Variants in SIAE observed in about 807,000 individuals in gnomAD.
SIAE encodes the protein sialate O-acetylesterase.
In SIAE, 39 loss-of-function variants were observed where a neutral mutation model predicts 52.6. The observed-to-expected ratio is 0.74, with a 90% CI of 0.57 to 0.97. The LOEUF is 0.97. Ranked by LOEUF, SIAE falls within the 50% of genes least tolerant of loss-of-function variation. The pLI, the probability that SIAE is intolerant of heterozygous loss-of-function variation, is 0.00. For missense variants in SIAE, 592 were observed against 662.1 expected (o/e 0.89, Z 1.16); for synonymous variants, 233 against 241.4 (o/e 0.97, Z 0.32).
In SIAE at chr11:124,638,545, A is replaced by G. The variant is rs778411682; in HGVS notation, c.1317T>C (p.Phe439=). ...TTTATTCTGCTGTTCTTCTCACCTCAAATATCTTGTTGTCCTTTTTCTGCA... is the reference window on the plus strand; with the variant it reads ...TTTATTCTGCTGTTCTTCTCACCTCGAATATCTTGTTGTCCTTTTTCTGCA... The part of the protein sequence containing the change: ...IQVQKKDNKI[F]EISCCSDHRC... The change falls in exon 9 of 10, where the codon TTT becomes TTC. Residue 439 remains phenylalanine (F), a synonymous_variant. Transcript: ENST00000263593. The G allele has an allele frequency of 1.9e-6, 3 of 1,614,158 alleles. No individual in the cohort carries two copies. Among genetic ancestry groups the G allele is most frequent in the Admixed American group, 3.3e-5 (2 of 60,020 alleles).
rs746200477 is a variant in SIAE at position 124,636,912 on chromosome 11, A to C, written c.*39T>G. On this transcript the variant is annotated 3_prime_UTR_variant, in exon 10 of 10. Coordinates refer to ENST00000263593, the MANE Select transcript of SIAE (RefSeq NM_170601.5). ...ACTCCTAAATGCTAAAATCTGAAGG[A>C]CCCATCCTTATATCTAAGTTCTGAT... 128 of 1,613,762 alleles carry C rather than the reference A, an allele frequency of 7.9e-5. No individual in the cohort carries two copies. In the East Asian group the frequency reaches 2.7e-3, roughly 34 times the overall value.
intron 5 of SIAE, 139 bp downstream of exon 5, chr11:124,649,480 C>T: frequency 2.1e-6 from 2 of 967,420 alleles, no homozygotes; most frequent in Admixed American, 3.6e-5. Flanking sequence ...AATGCTTTCC[C>T]TCTACATGAA....
chr11:124,666,043 G>A (rs1037716133), intron 2 of SIAE, among the ~76,000 whole-genome samples: 102 of 152,018 alleles, frequency 6.7e-4, no homozygotes, highest in Admixed American at 6.6e-3. Flanking sequence ...TTCCCTGCTC[G>A]TATTCCTTGT....
chr11:124,642,398 A>C (rs1942863110), intron 7 of SIAE, among the ~76,000 whole-genome samples: 1 of 152,260 alleles, frequency 6.6e-6, no homozygotes, highest in Non-Finnish European at 1.5e-5. Flanking sequence ...TGAACAAAAC[A>C]CAAGAATCCC....
Position 124,648,127 on chromosome 11 carries a change from G to C in SIAE, c.771C>G (p.Leu257=). ...SVTGPSKHSV[L]WNAMIHPLCN... ...ACAGTGGATGGATCATGGCATTCCA[G>C]AGAACAGAGTGCTTACTGGGACCAG... Residue 257 remains leucine (L), a synonymous_variant, in exon 6 of 10, where the codon CTC becomes CTG. Coordinates refer to ENST00000263593, the MANE Select transcript of SIAE (RefSeq NM_170601.5). The C allele has an allele frequency of 6.2e-7, 1 of 1,614,084 alleles. No homozygotes were observed. The highest frequency in any genetic ancestry group is 8.5e-7 in the Non-Finnish European group (1 of 1,179,996).
At chr11:124,661,218 G>A (rs1198850347) in intron 2 of SIAE, among the ~76,000 whole-genome samples, 2 of 152,010 alleles carry the variant, frequency 1.3e-5, no homozygotes, top group Non-Finnish European at 2.9e-5. Flanking sequence ...GTGACCACAG[G>A]GTATAGAAAA....
intron 3 of SIAE, chr11:124,660,386 A>G (rs762399641): frequency 1.1e-5 from 6 of 542,148 alleles, no homozygotes; most frequent in Admixed American, 5.4e-5. Flanking sequence ...ACTCCTTCTA[A>G]GTTCTTAACC....
chr11:124,675,576 T>C (rs1943451920), upstream of SIAE: 1 of 667,532 alleles, frequency 1.5e-6, no homozygotes, highest in Non-Finnish European at 2.4e-6. Context: ...TGTACCTCTT[T>C]GATATGTTCT....
At chr11:124,666,409 T>C (rs1210046758) in intron 2 of SIAE, among the ~76,000 whole-genome samples, 1 of 152,138 alleles carries the variant, frequency 6.6e-6, no homozygotes, top group Admixed American at 6.5e-5. Context: ...CCTCCTTTAC[T>C]CCAATTAACA....
chr11:124,675,295 C>T, upstream of SIAE: 1 of 1,614,006 alleles, frequency 6.2e-7, no homozygotes, highest in Non-Finnish European at 8.5e-7. Flanking sequence ...CACCCACTAC[C>T]GAATTCCACA....
chr11:124,669,727 A>C (rs1176736628), intron 1 of SIAE: 4 of 572,964 alleles, frequency 7.0e-6, no homozygotes, highest in Non-Finnish European at 1.3e-5. Flanking sequence ...GCATCATAGC[A>C]CATGATGACC....
chr11:124,641,477 C>A (rs976839889), intron 7 of SIAE, among the ~76,000 whole-genome samples: 20 of 152,160 alleles, frequency 1.3e-4, no homozygotes, highest in African/African-American at 4.6e-4. Context: ...TTGTATTAAA[C>A]AATAAAGAAC....
intron 7 of SIAE, among the ~76,000 whole-genome samples, chr11:124,646,212 C>T (rs957394903): frequency 1.3e-5 from 2 of 152,210 alleles, no homozygotes; most frequent in African/African-American, 4.8e-5. Context: ...AAAGCAGAAT[C>T]TTTCTGACTA....
At chr11:124,647,625 TC>T in intron 6 of SIAE, 127 bp from the exon 7 acceptor site, 1 of 1,166,534 alleles carries the variant, frequency 8.6e-7, no homozygotes, top group Non-Finnish European at 1.2e-6. Flanking sequence ...CTGGTCTTTT[TC>T]CAGCCAGTGG....
Position 124,633,959 on chromosome 11 carries a change from G to A in SIAE, c.*2992C>T, listed in dbSNP as rs1207162919. ...GTTGAACTGGTTTTTCAGCTATAAT[G>A]CATATACAACTATAGTGTGTACGTA... On this transcript the variant is annotated 3_prime_UTR_variant, in exon 10 of 10. Coordinates refer to ENST00000263593, the MANE Select transcript of SIAE (RefSeq NM_170601.5). 2.0e-5 allele frequency: 3 copies of A among 152,296 alleles called. No individual in the cohort carries two copies. In the East Asian group the frequency reaches 5.8e-4, roughly 29 times the overall value. 9.4% of individuals were successfully genotyped at this position (152,296 alleles called of 1,614,324 possible).
intron 5 of SIAE, among the ~76,000 whole-genome samples, chr11:124,648,827 C>T (rs1035103774): frequency 6.6e-6 from 1 of 152,172 alleles, no homozygotes; most frequent in Non-Finnish European, 1.5e-5. Flanking sequence ...TACTCTACTG[C>T]AGGCCATTCT....
chr11:124,653,789 G>T (rs1943052920), intron 4 of SIAE, among the ~76,000 whole-genome samples: 2 of 152,342 alleles, frequency 1.3e-5, no homozygotes, highest in Middle Eastern at 3.4e-3. Context: ...TGTGAGAATA[G>T]AAGAAAGGCT....
intron 2 of SIAE, among the ~76,000 whole-genome samples, chr11:124,664,293 G>A (rs558493958): frequency 3.3e-5 from 5 of 151,484 alleles, no homozygotes; most frequent in Middle Eastern, 6.8e-3. Context: ...GTGCAGTGGC[G>A]CGATCTTGGC....
chr11:124,634,803 C>T lies in SIAE; in HGVS notation c.*2148G>A, dbSNP rs924072243. The T allele has an allele frequency of 3.3e-5, 5 of 152,094 alleles. No individual in the cohort carries two copies. Among genetic ancestry groups the T allele is most frequent in the African/African-American group, 1.2e-4 (5 of 41,418 alleles). 9.4% of individuals were successfully genotyped at this position (152,094 alleles called of 1,614,324 possible). A position where few individuals can be genotyped will look rare whatever the true frequency, so the allele number is the denominator to read the frequency against. On this transcript the variant is annotated 3_prime_UTR_variant, in exon 10 of 10. Transcript: ENST00000263593. ...AACACAGATTACAAAATAATATGTACTGTATAAAATTATATAACTCAAGTC... is the reference window on the plus strand; with the variant it reads ...AACACAGATTACAAAATAATATGTATTGTATAAAATTATATAACTCAAGTC...
Sources: gnomAD v4.1 joint callset for allele counts (sites outside exome capture counted in the v4.1 genomes callset) on GRCh38, gnomAD v4.1.1 for gene constraint, MANE v1.5 for transcripts, NCBI Gene and HGNC (gene_info 2026-07-23, HGNC 2026-07-21) for gene names.